AGMO: variants seen among roughly 807,000 people sequenced by gnomAD.
AGMO encodes glyceryl-ether monooxygenase.
In AGMO, 75 loss-of-function variants were observed where a neutral mutation model predicts 60.2. That is an observed-to-expected ratio of 1.25 (90% confidence interval 1.03 to 1.51). The LOEUF is 1.51. Among genes scored for constraint, AGMO ranks in the 40% most tolerant of loss-of-function variants. The probability of loss-of-function intolerance (pLI) is 0.00; values close to 1 mark genes in which losing one functional copy is unlikely to be tolerated. For synonymous variants in AGMO, 261 were observed against 177.1 expected (o/e 1.47, Z -3.76); for missense variants, 763 against 525.5 (o/e 1.45, Z -4.42).
chr7:15,330,709 T>G lies in AGMO; in HGVS notation c.1263+34805A>C, dbSNP rs147263055. Among the ~76,000 whole-genome samples, 1,492 of 152,244 alleles carry G rather than the reference T, an allele frequency of 9.8e-3. 10 individuals carry two copies. The highest frequency in any genetic ancestry group is 0.03 in the Admixed American group (452 of 15,276). On this transcript the variant is annotated intron_variant, in intron 12 of 12. Transcript: ENST00000342526. ...TATAGAGACAATATATTTTAGTTGC[T>G]AATATCAGGAATTTTAAAGTCAAGC...
chr7:15,146,755 C>A, the AGMO span, among the ~76,000 whole-genome samples: 4 of 152,116 alleles, frequency 2.6e-5, no homozygotes, highest in African/African-American at 4.8e-5. Context: ...CAAGTATCAC[C>A]ATAAAACATT....
the AGMO span, among the ~76,000 whole-genome samples, chr7:15,147,188 C>G: frequency 6.6e-6 from 1 of 152,012 alleles, no homozygotes; most frequent in African/African-American, 2.4e-5. Flanking sequence ...GAGGGGCAGT[C>G]AATGGCACCC....
At chr7:15,434,835 T>C (rs1224532077) in intron 3 of AGMO, among the ~76,000 whole-genome samples, 3 of 152,088 alleles carry the variant, frequency 2.0e-5, no homozygotes, top group Non-Finnish European at 4.4e-5. Flanking sequence ...AGATAATTAA[T>C]GCAGTCGTCA....
rs1223656494 is a variant in AGMO at position 15,365,808 on chromosome 7, GTTC to G, written c.1158-192_1158-190del. On this transcript the variant is annotated intron_variant, in intron 11 of 12. Coordinates refer to ENST00000342526, the MANE Select transcript of AGMO (RefSeq NM_001004320.2). ...ACACTCATCTTTTTCGGGAAAATCT[GTTC>G]TTCATCAACATATTGCTTAGTTTGA... Among the ~76,000 whole-genome samples the G allele has an allele frequency of 1.2e-4, 18 of 152,096 alleles. No individual in the cohort carries two copies. The South Asian group carries it at 1.9e-3, about 16-fold the overall frequency.
intron 3 of AGMO, among the ~76,000 whole-genome samples, chr7:15,448,611 A>ATT (rs11330514): frequency 6.1e-5 from 8 of 131,158 alleles, no homozygotes; most frequent in Admixed American, 4.5e-4. Context: ...ATAAAGTTTA[A>ATT]TTTTTTTTTT....
intron 3 of AGMO, among the ~76,000 whole-genome samples, chr7:15,435,862 A>G (rs1440953628): frequency 1.3e-5 from 2 of 152,210 alleles, no homozygotes; most frequent in Non-Finnish European, 2.9e-5. Flanking sequence ...TCTAAAATGC[A>G]CTTTAAAATA....
At chr7:15,452,532 A>C (rs1781883264) in intron 3 of AGMO, among the ~76,000 whole-genome samples, 1 of 152,198 alleles carries the variant, frequency 6.6e-6, no homozygotes, top group Non-Finnish European at 1.5e-5. Flanking sequence ...AACCACAATT[A>C]CATACCACTT....
chr7:15,149,114 C>CT, the AGMO span, among the ~76,000 whole-genome samples: 1 of 152,104 alleles, frequency 6.6e-6, no homozygotes, highest in South Asian at 2.1e-4. Context: ...ATGTATATGT[C>CT]TTTTTTTGAG....
chr7:15,147,535 G>T, the AGMO span, among the ~76,000 whole-genome samples: 35 of 152,194 alleles, frequency 2.3e-4, no homozygotes, highest in Admixed American at 1.6e-3. Context: ...CCCATGACAC[G>T]TGGGAATTAT....
intron 12 of AGMO, among the ~76,000 whole-genome samples, chr7:15,218,321 G>A (rs1437502393): frequency 8.8e-6 from 1 of 113,314 alleles, no homozygotes; most frequent in African/African-American, 3.2e-5. Flanking sequence ...TGACTATGGT[G>A]TGTGTATGTG....
the AGMO span, among the ~76,000 whole-genome samples, chr7:15,141,183 GT>G: frequency 1.3e-5 from 2 of 152,172 alleles, no homozygotes; most frequent in Non-Finnish European, 2.9e-5. Flanking sequence ...GGGAGTGCTT[GT>G]AGGACAGGCT....
intron 3 of AGMO, among the ~76,000 whole-genome samples, chr7:15,530,953 CATATATATTCT>C (rs1784301394): frequency 8.6e-5 from 4 of 46,316 alleles, no homozygotes; most frequent in Admixed American, 7.5e-4. Flanking sequence ...TTTTTGAATA[CATATATATTCT>C]ATATATATTC....
chr7:15,174,264 G>A, the AGMO span, among the ~76,000 whole-genome samples: 1 of 152,004 alleles, frequency 6.6e-6, no homozygotes, highest in African/African-American at 2.4e-5. Flanking sequence ...CCACAGATAT[G>A]TAAATACATA....
At chr7:15,262,493 C>CTT (rs1783302029) in intron 12 of AGMO, among the ~76,000 whole-genome samples, 1 of 150,188 alleles carries the variant, frequency 6.7e-6, no homozygotes, top group Non-Finnish European at 1.5e-5. Context: ...ACAAACAAAC[C>CTT]CCATGCTCAC....
downstream of AGMO, among the ~76,000 whole-genome samples, chr7:15,196,139 T>A (rs1781110866): frequency 6.6e-6 from 1 of 151,812 alleles, no homozygotes; most frequent in Non-Finnish European, 1.5e-5. Flanking sequence ...GCCTCCCGGG[T>A]TCGAGCGATT....
intron 12 of AGMO, among the ~76,000 whole-genome samples, chr7:15,318,836 C>T (rs144181699): frequency 6.6e-6 from 1 of 152,170 alleles, no homozygotes; most frequent in East Asian, 1.9e-4. Flanking sequence ...TTTTTGAAAA[C>T]TCTAAAATCA....
intron 9 of AGMO, 126 bp from the exon 10 acceptor site, chr7:15,385,688 A>T (rs1320874433): frequency 1.5e-6 from 1 of 668,012 alleles, no homozygotes; most frequent in Non-Finnish European, 2.6e-6. Flanking sequence ...CATAATTTTT[A>T]AAAATAGAAA....
chr7:15,537,652 A>C (rs1368549419), intron 3 of AGMO, among the ~76,000 whole-genome samples: 1 of 152,052 alleles, frequency 6.6e-6, no homozygotes, highest in Non-Finnish European at 1.5e-5. Flanking sequence ...GCATCCCTAT[A>C]TTTTATTTTT....
intron 3 of AGMO, among the ~76,000 whole-genome samples, chr7:15,511,559 C>T (rs1178133884): frequency 6.6e-6 from 1 of 151,968 alleles, no homozygotes; most frequent in Non-Finnish European, 1.5e-5. Context: ...TTCAGGAGAC[C>T]TAATGTACAG....
Sources: allele counts gnomAD v4.1 joint callset (sites outside exome capture counted in the v4.1 genomes callset), GRCh38; gene constraint gnomAD v4.1.1; transcripts MANE v1.5; gene names NCBI Gene and HGNC (gene_info 2026-07-23, HGNC 2026-07-21).